Variants in RAD50 observed in about 807,000 individuals in gnomAD.
RAD50 encodes the protein RAD50 double strand break repair protein.
In RAD50, 132 loss-of-function variants were observed where a neutral mutation model predicts 168.8. The observed-to-expected ratio is 0.78, with a 90% CI of 0.68 to 0.90. The LOEUF (loss-of-function observed/expected upper bound fraction) is 0.90, where lower values mean the gene tolerates loss of function less well. Among genes scored for constraint, RAD50 ranks in the 40% least tolerant of loss-of-function variants. RAD50 has a pLI of 0.00. For missense variants in RAD50, 1,347 were observed against 1,534.4 expected (o/e 0.88, Z 2.04); for synonymous variants, 525 against 497.4 (o/e 1.06, Z -0.74).
At position 132,642,306 on chromosome 5, in the gene RAD50, A is replaced by G. The variant is rs1751744573; in HGVS notation, c.3881A>G (p.Asp1294Gly). 1.2e-6 allele frequency: 2 copies of G among 1,613,980 alleles called. No homozygotes were observed. Among genetic ancestry groups the G allele is most frequent in the South Asian group, 1.1e-5 (1 of 91,068 alleles). Reference sequence around the variant, plus strand: ...TTCTACAGGATTAAAAAGAACATCGATCAGTGCTCAGAGATTGTGAAATGC... The same window carrying G: ...TTCTACAGGATTAAAAAGAACATCGGTCAGTGCTCAGAGATTGTGAAATGC... ...EKFYRIKKNI[D>G]QCSEIVKCSV... The change falls in exon 25 of 25, where the codon GAT becomes GGT. Residue 1294 changes from aspartate (D) to glycine (G), a missense_variant. This residue lies in a region of RAD50 where 635 missense variants were observed against 739.2 expected (regional missense o/e 0.86). Transcript: ENST00000378823.
At chr5:132,622,806 C>CAGAGAATT (rs1751307293) in intron 21 of RAD50, among the ~76,000 whole-genome samples, 1 of 151,980 alleles carries the variant, frequency 6.6e-6, no homozygotes, top group Non-Finnish European at 1.5e-5. Context: ...GTTGTTTTTT[C>CAGAGAATT]TATGAGACTC....
rs539776813 is a variant in RAD50, at chr5:132,596,148, C to G, written c.2207+338C>G. ...AGCTGGGATTACAGGCATGTACCAC[C>G]ACGCCCAGCTAATTTTTGTAATTTT... On this transcript the variant is annotated intron_variant, in intron 13 of 24. Transcript: ENST00000378823. Among the ~76,000 whole-genome samples, 192 of 152,256 alleles carry G rather than the reference C, an allele frequency of 1.3e-3. 1 individual carries two copies. Among genetic ancestry groups the G allele is most frequent in the African/African-American group, 4.4e-3 (183 of 41,558 alleles).
intron 21 of RAD50, 148 bp downstream of exon 21, chr5:132,618,442 G>A (rs535695376): frequency 8.8e-5 from 125 of 1,413,830 alleles, no homozygotes; most frequent in Admixed American, 3.4e-4. Flanking sequence ...GCAATGGCAC[G>A]ATCTCAGCTC....
intron 19 of RAD50, among the ~76,000 whole-genome samples, chr5:132,613,324 CT>C (rs1260819330): frequency 1.3e-5 from 2 of 152,262 alleles, no homozygotes; most frequent in South Asian, 4.1e-4. Context: ...GGTGACCTGA[CT>C]TGTCCAAGGT....
chr5:132,567,617 A>G (rs1409370368), intron 2 of RAD50, among the ~76,000 whole-genome samples: 1 of 152,208 alleles, frequency 6.6e-6, no homozygotes, highest in African/African-American at 2.4e-5. Context: ...TAAGCTATCC[A>G]TGTATAGGAT....
At chr5:132,609,252 T>A (rs1450142258) in intron 18 of RAD50, 31 bp from the exon 19 acceptor site, 6 of 1,607,770 alleles carry the variant, frequency 3.7e-6, no homozygotes, top group Non-Finnish European at 5.1e-6. Flanking sequence ...GTATTTTTAT[T>A]CATGTGCTTA....
intron 1 of RAD50, among the ~76,000 whole-genome samples, chr5:132,558,795 A>G (rs928245694): frequency 7.0e-6 from 1 of 142,558 alleles, no homozygotes; most frequent in Admixed American, 7.1e-5. Flanking sequence ...GCCGTTTGGG[A>G]GGCTGAGGCT....
chr5:132,642,343 C>CCTGGGATTCAA lies in RAD50; in HGVS notation c.3919_3929dup (p.Val1311TrpfsTer18). 3 of 1,613,688 alleles carry CCTGGGATTCAA rather than the reference C, an allele frequency of 1.9e-6. No homozygotes were observed. The highest frequency in any genetic ancestry group is 2.5e-6 in the Non-Finnish European group (3 of 1,179,740). On this transcript the variant is annotated frameshift_variant, in exon 25 of 25. Transcript: ENST00000378823. LOFTEE classifies it high-confidence loss of function. The stretch of plus-strand genomic sequence containing the variant: ...AGATTGTGAAATGCAGTGTTAGCTC[C>CCTGGGATTCAA]CTGGGATTCAATGTTCATTAAAAAT...
intron 5 of RAD50, among the ~76,000 whole-genome samples, chr5:132,581,093 TG>T (rs1580988337): frequency 6.6e-6 from 1 of 152,122 alleles, no homozygotes. Context: ...TATACATGTT[TG>T]TATTTATTTA....
intron 21 of RAD50, among the ~76,000 whole-genome samples, chr5:132,630,073 G>A (rs1341035221): frequency 1.6e-4 from 22 of 139,660 alleles, no homozygotes; most frequent in Middle Eastern, 7.6e-3. Context: ...ACAGAGTTTC[G>A]CTCTTTTTGC....
chr5:132,617,900 T>C (rs1193654235), intron 20 of RAD50, among the ~76,000 whole-genome samples, 170 bp from the exon 21 acceptor site: 1 of 152,142 alleles, frequency 6.6e-6, no homozygotes, highest in African/African-American at 2.4e-5. Flanking sequence ...AAGAGAGGGG[T>C]TTTCTTTAGT....
At chr5:132,571,489 T>C (rs1445422125) in intron 2 of RAD50, among the ~76,000 whole-genome samples, 1 of 152,172 alleles carries the variant, frequency 6.6e-6, no homozygotes, top group African/African-American at 2.4e-5. Context: ...TTGGTGAAGC[T>C]AGGAGATACA....
chr5:132,634,718 TAAGAA>T (rs1751541016), intron 21 of RAD50, among the ~76,000 whole-genome samples: 1 of 152,208 alleles, frequency 6.6e-6, no homozygotes, highest in Non-Finnish European at 1.5e-5. Flanking sequence ...TTTGTCCAGT[TAAGAA>T]AACATTCTTT....
chr5:132,572,304 T>C (rs80230740), intron 2 of RAD50, among the ~76,000 whole-genome samples: 1,575 of 152,234 alleles, frequency 0.01, 20 homozygotes, highest in Non-Finnish European at 0.016. Flanking sequence ...TAGGGATGAA[T>C]AGATGATAGA....
In RAD50 at chr5:132,587,579, T is replaced by A; in HGVS notation, c.774T>A (p.Ile258=). The A allele has an allele frequency of 6.2e-7, 1 of 1,613,124 alleles. No homozygotes were observed. Among genetic ancestry groups the A allele is most frequent in the Non-Finnish European group, 8.5e-7 (1 of 1,179,670 alleles). The change falls in exon 6 of 25, where the codon ATT becomes ATA. Residue 258 remains isoleucine, a synonymous_variant. Coordinates refer to ENST00000378823, the MANE Select transcript of RAD50 (RefSeq NM_005732.4). ...LDPLKNRLKE[I]EHNLSKIMKL... is the part of the protein sequence containing the mutation. ...ATTTTCAGAATCGTCTAAAAGAAAT[T>A]GAACATAATCTCTCTAAAATAATGA... is the stretch of plus-strand genomic sequence containing the variant.
At chr5:132,584,154 C>G (rs1406090276) in intron 5 of RAD50, among the ~76,000 whole-genome samples, 3 of 152,218 alleles carry the variant, frequency 2.0e-5, no homozygotes, top group African/African-American at 7.2e-5. Flanking sequence ...TCTTTCTCCA[C>G]ATCCTCTCCA....
Position 132,628,366 on chromosome 5 carries a change from AT to A in RAD50, c.3390-8748del, listed in dbSNP as rs534445824. On this transcript the variant is annotated intron_variant, in intron 21 of 24. Coordinates refer to ENST00000378823, the MANE Select transcript of RAD50 (RefSeq NM_005732.4). The stretch of plus-strand genomic sequence containing the variant: ...GGGAAAAGATTTTAAAAGATGTGGT[AT>A]CTTGAAAACCAAGTGAAGCAAATAT... Among the ~76,000 whole-genome samples the A allele has an allele frequency of 1.5e-3, 229 of 152,360 alleles. 1 individual carries two copies. Among genetic ancestry groups the A allele is most frequent in the Non-Finnish European group, 2.6e-3 (175 of 68,038 alleles).
intron 21 of RAD50, among the ~76,000 whole-genome samples, chr5:132,618,921 A>G (rs368286376): frequency 3.9e-5 from 6 of 152,218 alleles, no homozygotes; most frequent in Admixed American, 1.3e-4. Context: ...ATAACCAGTG[A>G]CAAAGATTTT....
In RAD50 at chr5:132,595,003, A is replaced by C; in HGVS notation, c.1928A>C (p.Asp643Ala). ...CGSQDFESDL[D>A]RLKEEIEKSS... ...AGCCAGGATTTTGAAAGTGATTTAG[A>C]CAGGCTTAAAGAGGAAATTGAAAAA... is the stretch of plus-strand genomic sequence containing the variant. Residue 643 changes from aspartate (D) to alanine (A), a missense_variant, in exon 12 of 25, where the codon GAC (aspartate) becomes GCC (alanine). Coordinates refer to ENST00000378823, the MANE Select transcript of RAD50 (RefSeq NM_005732.4). 6.2e-7 allele frequency: 1 copy of C among 1,613,920 alleles called. No individual in the cohort carries two copies. Among genetic ancestry groups the C allele is most frequent in the Non-Finnish European group, 8.5e-7 (1 of 1,179,810 alleles).
Sources: gnomAD v4.1 joint callset for allele counts (sites outside exome capture counted in the v4.1 genomes callset) on GRCh38, gnomAD v4.1.1 for gene constraint, gnomAD v4.1.1 regional missense constraint, MANE v1.5 for transcripts, NCBI Gene and HGNC (gene_info 2026-07-23, HGNC 2026-07-21) for gene names.